FGFR1OP2: variants seen among roughly 807,000 people sequenced by gnomAD.
The protein encoded by FGFR1OP2 is fibroblast growth factor receptor 1 oncogene partner 2.
FGFR1OP2 carries 17 observed loss-of-function variants against 35.2 expected under a neutral mutation model. That is an observed-to-expected ratio of 0.48 (90% CI 0.33 to 0.73). The LOEUF is 0.73. Among genes scored for constraint, FGFR1OP2 ranks in the 30% least tolerant of loss-of-function variants. The pLI, the probability that FGFR1OP2 is intolerant of heterozygous loss-of-function variation, is 0.02. For synonymous variants in FGFR1OP2, 105 were observed against 104.6 expected (o/e 1.00, Z -0.03); for missense variants, 251 against 307.3 (o/e 0.82, Z 1.37).
At chr12:26,947,624 C>T (rs376771117) in intron 1 of FGFR1OP2, among the ~76,000 whole-genome samples, 13 of 152,244 alleles carry the variant, frequency 8.5e-5, no homozygotes, top group African/African-American at 3.1e-4. Flanking sequence ...TCAAGCAATC[C>T]TCCGATTTTG....
At chr12:26,954,478 A>G (rs1938988389) in intron 2 of FGFR1OP2, among the ~76,000 whole-genome samples, 185 bp downstream of exon 2, 1 of 152,234 alleles carries the variant, frequency 6.6e-6, no homozygotes, top group Non-Finnish European at 1.5e-5. Context: ...ATATATTTCT[A>G]AACCCTAGAT....
intron 1 of FGFR1OP2, among the ~76,000 whole-genome samples, chr12:26,953,268 C>CA (rs10714749): frequency 0.086 from 6,709 of 78,136 alleles, 325 homozygotes; most frequent in Middle Eastern, 0.16. Flanking sequence ...ACTGTGTCTC[C>CA]AAAAAAAAAA....
chr12:26,956,282 T>A (rs1381840574), intron 2 of FGFR1OP2, among the ~76,000 whole-genome samples: 1 of 152,042 alleles, frequency 6.6e-6, no homozygotes, highest in African/African-American at 2.4e-5. Flanking sequence ...TTAGGTTAAT[T>A]AAGTATCTTT....
chr12:26,941,599 GGAGA>G (rs1003015126), intron 1 of FGFR1OP2, among the ~76,000 whole-genome samples: 15 of 152,200 alleles, frequency 9.9e-5, no homozygotes, highest in Non-Finnish European at 5.9e-5. Context: ...AATCTGGAGA[GGAGA>G]GAGTGTTTTT....
chr12:26,954,086 G>T, intron 1 of FGFR1OP2, 59 bp from the exon 2 acceptor site: 1 of 1,278,612 alleles, frequency 7.8e-7, no homozygotes, highest in Non-Finnish European at 1.1e-6. Context: ...TTGACATGAA[G>T]CTAAAATAAA....
intron 1 of FGFR1OP2, among the ~76,000 whole-genome samples, chr12:26,951,227 A>G (rs1938923714): frequency 1.3e-5 from 2 of 151,256 alleles, no homozygotes; most frequent in South Asian, 4.2e-4. Flanking sequence ...GGCTCACTGC[A>G]ACCTCTGCCT....
intron 6 of FGFR1OP2, 110 bp from the exon 7 acceptor site, chr12:26,964,486 C>T: frequency 8.3e-7 from 1 of 1,206,830 alleles, no homozygotes; most frequent in Non-Finnish European, 1.2e-6. Flanking sequence ...AATTACAGAC[C>T]TTGCTTGTTT....
chr12:26,946,829 T>G (rs970917167), intron 1 of FGFR1OP2, among the ~76,000 whole-genome samples: 19 of 152,306 alleles, frequency 1.2e-4, no homozygotes, highest in Admixed American at 1.0e-3. Flanking sequence ...TTCCCATTCC[T>G]CCTTCCTTTT....
At chr12:26,960,323 T>C (rs540354274) in intron 4 of FGFR1OP2, among the ~76,000 whole-genome samples, 192 bp from the exon 5 acceptor site, 2 of 152,118 alleles carry the variant, frequency 1.3e-5, no homozygotes, top group African/African-American at 4.8e-5. Flanking sequence ...ACTTAAAAAA[T>C]CAGTAGAAAG....
chr12:26,948,163 T>G (rs1938859308), intron 1 of FGFR1OP2, among the ~76,000 whole-genome samples: 1 of 152,200 alleles, frequency 6.6e-6, no homozygotes, highest in South Asian at 2.1e-4. Flanking sequence ...AAAATCTCAT[T>G]AGATAAATGT....
chr12:26,950,379 C>G (rs540685903), intron 1 of FGFR1OP2, among the ~76,000 whole-genome samples: 38 of 151,812 alleles, frequency 2.5e-4, no homozygotes, highest in Admixed American at 1.8e-3. Flanking sequence ...CATGCCACTA[C>G]GCCCGGCTAA....
In FGFR1OP2 at chr12:26,939,864, G is replaced by A. The variant is rs972199592; in HGVS notation, c.-15+1154G>A. ...ATGGAATAGTTCTAAGGAATTCACC[G>A]TAAGAGTTCTTCATCCTTTAAAATC... On this transcript the variant is annotated intron_variant, in intron 1 of 6. Coordinates refer to ENST00000229395, the MANE Select transcript of FGFR1OP2 (RefSeq NM_015633.3). Among the ~76,000 whole-genome samples, 11 of 152,232 alleles carry A rather than the reference G, an allele frequency of 7.2e-5. No individual in the cohort carries two copies. The East Asian group carries it at 1.9e-3, about 27-fold the overall frequency.
chr12:26,943,720 G>A (rs1200580136), intron 1 of FGFR1OP2, among the ~76,000 whole-genome samples: 2 of 152,128 alleles, frequency 1.3e-5, no homozygotes, highest in African/African-American at 2.4e-5. Context: ...AGCTACTCTG[G>A]AGGCTGAGGC....
intron 3 of FGFR1OP2, among the ~76,000 whole-genome samples, chr12:26,956,897 G>A (rs1419632723): frequency 1.3e-5 from 2 of 152,120 alleles, no homozygotes; most frequent in African/African-American, 4.8e-5. Context: ...TGCCTGAAAT[G>A]TCCAAACTGA....
Position 26,946,638 on chromosome 12 carries a change from G to A in FGFR1OP2, c.-14-7507G>A, listed in dbSNP as rs768869377. On this transcript the variant is annotated intron_variant, in intron 1 of 6. Transcript: ENST00000229395. ...TGTCTGATATTATATAGCCACTCTA[G>A]CTCTTTTCTTAAATATAACACCTTT... Among the ~76,000 whole-genome samples the A allele has an allele frequency of 4.6e-5, 7 of 152,090 alleles. 1 individual carries two copies. Among genetic ancestry groups the A allele is most frequent in the South Asian group, 2.1e-4 (1 of 4,826 alleles).
chr12:26,946,864 C>T (rs1938832480), intron 1 of FGFR1OP2, among the ~76,000 whole-genome samples: 1 of 152,242 alleles, frequency 6.6e-6, no homozygotes, highest in East Asian at 1.9e-4. Flanking sequence ...CCTAGACATC[C>T]ACTAATCTAC....
Position 26,960,541 on chromosome 12 carries a change from C to CG in FGFR1OP2, c.424dup (p.Glu142GlyfsTer6). On this transcript the variant is annotated frameshift_variant, in exon 5 of 7. Transcript: ENST00000229395. LOFTEE classifies it high-confidence loss of function. Reference sequence around the variant, plus strand: ...TTGACATGGTACATCGTAACAAGTCCGAAGGATTCTTCCTTGATGCATCTC... The same window carrying CG: ...TTGACATGGTACATCGTAACAAGTCCGGAAGGATTCTTCCTTGATGCATCTC... 2 of 1,613,066 alleles carry CG rather than the reference C, an allele frequency of 1.2e-6. No homozygotes were observed. Among genetic ancestry groups the CG allele is most frequent in the South Asian group, 2.2e-5 (2 of 91,044 alleles).
At chr12:26,958,375 T>C (rs1939054953) in intron 4 of FGFR1OP2, among the ~76,000 whole-genome samples, 1 of 152,146 alleles carries the variant, frequency 6.6e-6, no homozygotes, top group Admixed American at 6.5e-5. Flanking sequence ...AAAACAGAAA[T>C]TTTTTTAAGA....
chr12:26,954,071 C>T (rs1938980377), intron 1 of FGFR1OP2, 74 bp from the exon 2 acceptor site: 3 of 1,116,254 alleles, frequency 2.7e-6, no homozygotes, highest in African/African-American at 3.2e-5. Flanking sequence ...AGAAGCATAT[C>T]TGTGTTGACA....
Sources: allele counts gnomAD v4.1 joint callset (sites outside exome capture counted in the v4.1 genomes callset), GRCh38; gene constraint gnomAD v4.1.1; transcripts MANE v1.5; gene names NCBI Gene and HGNC (gene_info 2026-07-23, HGNC 2026-07-21).